HS2ST1: variants seen among roughly 807,000 people sequenced by gnomAD.
HS2ST1 encodes the protein heparan sulfate 2-O-sulfotransferase 1.
In HS2ST1, 18 loss-of-function variants were observed where a neutral mutation model predicts 42.9. The ratio of observed to expected loss-of-function variants is 0.42; its 90% CI spans 0.29 to 0.62. The LOEUF is 0.62. Ranked by LOEUF, HS2ST1 falls within the 20% of genes least tolerant of loss-of-function variation. The pLI is 0.21. For missense variants in HS2ST1, 334 were observed against 433.8 expected, an observed-to-expected ratio of 0.77 and a Z score of 2.04; for synonymous variants, 146 against 152.9, an observed-to-expected ratio of 0.95 and a Z score of 0.33.
At chr1:87,075,091 C>G (rs1237154343) in intron 2 of HS2ST1, among the ~76,000 whole-genome samples, 1 of 151,254 alleles carries the variant, frequency 6.6e-6, no homozygotes, top group Non-Finnish European at 1.5e-5. Flanking sequence ...CCCTGAACCC[C>G]ATCTGATATA....
intron 1 of HS2ST1, among the ~76,000 whole-genome samples, chr1:87,054,209 G>A (rs189512778): frequency 1.4e-3 from 207 of 152,114 alleles, no homozygotes; most frequent in African/African-American, 4.8e-3. Flanking sequence ...AGCCTATTTT[G>A]GCCATTACCC....
intron 1 of HS2ST1, among the ~76,000 whole-genome samples, chr1:87,054,658 C>A (rs1433197650): frequency 1.3e-5 from 2 of 152,142 alleles, no homozygotes; most frequent in Non-Finnish European, 2.9e-5. Flanking sequence ...TTAAATTTCT[C>A]ACCACAACCC....
chr1:86,976,132 AGTTTCT>A (rs1394219148), intron 1 of HS2ST1, among the ~76,000 whole-genome samples: 1 of 152,242 alleles, frequency 6.6e-6, no homozygotes, highest in African/African-American at 2.4e-5. Context: ...ATAGATTTAA[AGTTTCT>A]GTTTCTATTC....
At chr1:87,029,568 A>G (rs1650174672) in intron 1 of HS2ST1, among the ~76,000 whole-genome samples, 1 of 152,204 alleles carries the variant, frequency 6.6e-6, no homozygotes, top group Non-Finnish European at 1.5e-5. Context: ...AGAAAAGGCA[A>G]CAGTAAAACA....
In HS2ST1 at chr1:87,079,541, A is replaced by G. The variant is rs145292652; in HGVS notation, c.364-4653A>G. Among the ~76,000 whole-genome samples, 552 of 152,362 alleles carry G rather than the reference A, an allele frequency of 3.6e-3. 7 individuals are homozygous for G. The highest frequency in any genetic ancestry group is 0.017 in the Middle Eastern group (5 of 294). ...CACTTTTTTCTTCGTCATAAAGAGA[A>G]GGTAAACCTCAGTTCAGCATCTTTT... On this transcript the variant is annotated intron_variant, in intron 2 of 6. Coordinates refer to ENST00000370550, the MANE Select transcript of HS2ST1 (RefSeq NM_012262.4).
At chr1:86,932,824 T>C (rs1660571954) in intron 1 of HS2ST1, among the ~76,000 whole-genome samples, 1 of 152,112 alleles carries the variant, frequency 6.6e-6, no homozygotes, top group Admixed American at 6.6e-5. Context: ...CTGAAGAAGG[T>C]AACATAATTA....
chr1:87,039,107 C>A (rs937637730), intron 1 of HS2ST1, among the ~76,000 whole-genome samples: 4 of 152,130 alleles, frequency 2.6e-5, no homozygotes, highest in African/African-American at 9.7e-5. Context: ...TAATAAAGCA[C>A]CTCTCCTTTG....
chr1:87,055,430 TCCAGTCC>T (rs1199946023), intron 1 of HS2ST1, among the ~76,000 whole-genome samples: 1 of 152,144 alleles, frequency 6.6e-6, no homozygotes, highest in African/African-American at 2.4e-5. Flanking sequence ...CCTATCTCCT[TCCAGTCC>T]CCATGCTTCT....
intron 1 of HS2ST1, among the ~76,000 whole-genome samples, chr1:86,957,415 G>C (rs1647704535): frequency 1.3e-5 from 2 of 152,182 alleles, no homozygotes; most frequent in African/African-American, 2.4e-5. Flanking sequence ...CCACTTTGCT[G>C]TGATTCTCAA....
chr1:86,990,812 T>A (rs6684125), intron 1 of HS2ST1, among the ~76,000 whole-genome samples: 2,392 of 9,520 alleles, frequency 0.25, 600 homozygotes, highest in East Asian at 0.55. Flanking sequence ...CTGGCTAATT[T>A]TATATATATA....
At chr1:87,074,388 CTGCTTTTCAAAATA>C (rs1198417005) in intron 2 of HS2ST1, among the ~76,000 whole-genome samples, 2 of 152,144 alleles carry the variant, frequency 1.3e-5, no homozygotes, top group African/African-American at 4.8e-5. Flanking sequence ...TTTTGCATTA[CTGCTTTTCAAAATA>C]TGCTTTGGTT....
intron 1 of HS2ST1, among the ~76,000 whole-genome samples, chr1:86,948,380 C>T (rs1300485122): frequency 2.0e-5 from 3 of 152,298 alleles, no homozygotes; most frequent in Middle Eastern, 3.4e-3. Context: ...GCTGGAATTT[C>T]TGGGCTCTAG....
At chr1:87,046,198 A>G (rs1650659701) in intron 1 of HS2ST1, 7 of 866,708 alleles carry the variant, frequency 8.1e-6, no homozygotes, top group Non-Finnish European at 1.4e-5. Flanking sequence ...CCTCTTATTG[A>G]AAGTGGAACT....
In HS2ST1 at chr1:86,944,775, G is replaced by A. The variant is rs540603393; in HGVS notation, c.124+29615G>A. ...CCTTTTTCTCTACTAAACTATCCCC[G>A]TTCCTAAATCTGCATAGAACCATGA... On this transcript the variant is annotated intron_variant, in intron 1 of 6. Coordinates refer to ENST00000370550, the MANE Select transcript of HS2ST1 (RefSeq NM_012262.4). 1.5e-4 allele frequency among the ~76,000 whole-genome samples: 23 copies of A among 151,836 alleles called. No homozygotes were observed. In the East Asian group the frequency reaches 3.1e-3, roughly 20 times the overall value.
At chr1:86,931,340 G>GT (rs1660535105) in intron 1 of HS2ST1, among the ~76,000 whole-genome samples, 1 of 152,040 alleles carries the variant, frequency 6.6e-6, no homozygotes, top group South Asian at 2.1e-4. Context: ...TAAAGTATTT[G>GT]TATGGATATT....
intron 1 of HS2ST1, among the ~76,000 whole-genome samples, chr1:87,003,821 G>A (rs887666279): frequency 6.6e-6 from 1 of 152,122 alleles, no homozygotes; most frequent in Non-Finnish European, 1.5e-5. Flanking sequence ...AAGTATACAG[G>A]AGGATGTGTG....
intron 3 of HS2ST1, among the ~76,000 whole-genome samples, chr1:87,084,729 A>G (rs1336749651): frequency 1.3e-5 from 2 of 151,990 alleles, no homozygotes; most frequent in African/African-American, 4.8e-5. Context: ...TAAAATTATG[A>G]TGTATTACGA....
intron 5 of HS2ST1, among the ~76,000 whole-genome samples, chr1:87,101,149 G>GTGTTTTTTTTTTT (rs1557546421): frequency 1.7e-5 from 1 of 59,540 alleles, no homozygotes; most frequent in Non-Finnish European, 3.0e-5. Context: ...GTGTGTGTGT[G>GTGTTTTTTTTTTT]TTTTTTGTTT....
intron 1 of HS2ST1, among the ~76,000 whole-genome samples, chr1:86,925,359 T>C (rs1437017497): frequency 1.3e-5 from 2 of 152,224 alleles, no homozygotes; most frequent in Non-Finnish European, 2.9e-5. Context: ...CCAAAGTAGC[T>C]TCCACATTTT....
Sources: allele counts gnomAD v4.1 joint callset (sites outside exome capture counted in the v4.1 genomes callset), GRCh38; gene constraint gnomAD v4.1.1; transcripts MANE v1.5; gene names NCBI Gene and HGNC (gene_info 2026-07-23, HGNC 2026-07-21).